AMZ1: variants seen among roughly 807,000 people sequenced by gnomAD.
AMZ1 encodes the protein archaemetzincin-1.
Under a neutral mutation model 29.9 loss-of-function variants are expected in AMZ1, and 39 were observed. The observed-to-expected ratio is 1.30, with a 90% CI of 1.01 to 1.70. The LOEUF is 1.70. Among genes scored for constraint, AMZ1 ranks in the 40% most tolerant of loss-of-function variants. The pLI, the probability that AMZ1 is intolerant of heterozygous loss-of-function variation, is 0.00. For synonymous variants in AMZ1, 458 were observed against 304.0 expected, an observed-to-expected ratio of 1.51 and a Z score of -5.27; for missense variants, 1,041 against 680.6, an observed-to-expected ratio of 1.53 and a Z score of -5.89.
intron 3 of AMZ1, among the ~76,000 whole-genome samples, chr7:2,706,253 G>C (rs1031093563): frequency 1.3e-5 from 2 of 152,164 alleles, no homozygotes; most frequent in Non-Finnish European, 2.9e-5. Flanking sequence ...ATAGCTCCCT[G>C]CAGCCTTGAA....
At chr7:2,732,698 G>A (rs911264958) in intron 4 of AMZ1, among the ~76,000 whole-genome samples, 1 of 152,198 alleles carries the variant, frequency 6.6e-6, no homozygotes, top group Non-Finnish European at 1.5e-5. Flanking sequence ...GGGGTGTGCA[G>A]GGGACAGAGA....
chr7:2,745,104 T>C (rs1790702247), intron 4 of AMZ1, among the ~76,000 whole-genome samples: 1 of 152,208 alleles, frequency 6.6e-6, no homozygotes, highest in South Asian at 2.1e-4. Context: ...TGCAGGATAT[T>C]ATCCAGGAAA....
chr7:2,683,278 C>T (rs1358997399), upstream of AMZ1, among the ~76,000 whole-genome samples: 1 of 152,126 alleles, frequency 6.6e-6, no homozygotes, highest in Non-Finnish European at 1.5e-5. Context: ...GGGGCAGGGC[C>T]GAACTTCTGC....
intron 4 of AMZ1, among the ~76,000 whole-genome samples, chr7:2,742,583 G>A (rs1280280482): frequency 6.6e-6 from 1 of 152,154 alleles, no homozygotes; most frequent in African/African-American, 2.4e-5. Context: ...AGTGAAGAAA[G>A]CACTGAGTCT....
At chr7:2,685,472 C>T (rs541109051), upstream of AMZ1, among the ~76,000 whole-genome samples, 11 of 150,640 alleles carry the variant, frequency 7.3e-5, 1 homozygote, top group Non-Finnish European at 1.0e-4. Context: ...GCAGGAGAAT[C>T]GCTTGAACCC....
chr7:2,720,410 T>C (rs544245569), downstream of AMZ1, among the ~76,000 whole-genome samples: 97 of 152,258 alleles, frequency 6.4e-4, 1 homozygote, highest in Admixed American at 6.3e-3. Flanking sequence ...ATTATTTTTT[T>C]GAATTTTTAT....
upstream of AMZ1, among the ~76,000 whole-genome samples, chr7:2,687,677 C>T (rs1301545118): frequency 6.7e-6 from 1 of 149,726 alleles, no homozygotes; most frequent in Non-Finnish European, 1.5e-5. Flanking sequence ...TAGGGCTAAC[C>T]TAGGGGCCTG....
intron 1 of AMZ1, among the ~76,000 whole-genome samples, chr7:2,696,282 A>C (rs887306753): frequency 2.5e-5 from 3 of 119,504 alleles, no homozygotes; most frequent in Admixed American, 9.6e-5. Context: ...TTTGAGATGG[A>C]GTCTCGCTCT....
downstream of AMZ1, among the ~76,000 whole-genome samples, chr7:2,724,184 G>C (rs1212503832): frequency 2.0e-5 from 3 of 152,152 alleles, no homozygotes; most frequent in Admixed American, 1.3e-4. Context: ...CTCCCAAGGT[G>C]CTGGGATTAC....
chr7:2,694,609 T>C (rs11971272), intron 1 of AMZ1, among the ~76,000 whole-genome samples: 42 of 151,854 alleles, frequency 2.8e-4, no homozygotes, highest in African/African-American at 9.7e-4. Flanking sequence ...TAAATATACA[T>C]GTGAGATTAT....
intron 4 of AMZ1, among the ~76,000 whole-genome samples, chr7:2,751,062 C>T (rs1791010440): frequency 6.6e-6 from 1 of 152,142 alleles, no homozygotes; most frequent in Non-Finnish European, 1.5e-5. Context: ...GTTGCCACTA[C>T]AGCATTTCGG....
chr7:2,695,837 C>A (rs1445559074), intron 1 of AMZ1, among the ~76,000 whole-genome samples: 1 of 151,998 alleles, frequency 6.6e-6, no homozygotes, highest in East Asian at 1.9e-4. Flanking sequence ...ATGGTGAAAC[C>A]CCGTCTCTAC....
intron 4 of AMZ1, among the ~76,000 whole-genome samples, chr7:2,758,164 A>G (rs1791390333): frequency 6.6e-6 from 1 of 152,170 alleles, no homozygotes; most frequent in African/African-American, 2.4e-5. Context: ...AAAAACCCAA[A>G]AACTCAACAT....
In AMZ1 at chr7:2,731,259, G is replaced by T. The variant is rs748435612; in HGVS notation, n.550+21443G>T. On this transcript the variant is annotated intron_variant and non_coding_transcript_variant, in intron 4 of 4. Transcript: ENST00000489665. This position sits in a 1 kb window ranked among gnomAD's most constrained non-coding sequence, Gnocchi z 6.0. ...CATGGAACACGAAGCGGACGTTCTCGGTGTCGATGGCGGTGGTGAAGTGGT... is the reference window on the plus strand; with the variant it reads ...CATGGAACACGAAGCGGACGTTCTCTGTGTCGATGGCGGTGGTGAAGTGGT... The T allele has an allele frequency of 2.5e-6, 4 of 1,613,850 alleles. No individual in the cohort carries two copies. The highest frequency in any genetic ancestry group is 3.4e-6 in the Non-Finnish European group (4 of 1,179,954).
intron 4 of AMZ1, among the ~76,000 whole-genome samples, chr7:2,734,560 G>A (rs76705798): frequency 0.019 from 2,867 of 152,324 alleles, 91 homozygotes; most frequent in African/African-American, 0.064. Flanking sequence ...GAAGCTCGTG[G>A]CGTTGTAAGG....
At chr7:2,703,463 A>T (rs1319419039) in intron 3 of AMZ1, among the ~76,000 whole-genome samples, 1 of 152,030 alleles carries the variant, frequency 6.6e-6, no homozygotes, top group East Asian at 1.9e-4. Context: ...TTCTAAGGCC[A>T]CTCAGCATGG....
upstream of AMZ1, chr7:2,762,892 T>A: frequency 7.0e-7 from 1 of 1,428,114 alleles, no homozygotes; most frequent in African/African-American, 1.4e-5. Context: ...GAGCCATTGG[T>A]GCTGCGGCGG....
At position 2,708,669 on chromosome 7, in the gene AMZ1, C is replaced by T; in HGVS notation, c.554C>T (p.Pro185Leu). 3.7e-6 allele frequency: 6 copies of T among 1,613,220 alleles called. No homozygotes were observed. Among genetic ancestry groups the T allele is most frequent in the South Asian group, 3.3e-5 (3 of 91,080 alleles). ...GGCCTCACACTGTCTGACCTGTACC[C>T]CCATGAGGCCTGGAGCTTCACCTTC... ...VLGLTLSDLY[P>L]HEAWSFTFSK... The change falls in exon 4 of 7, where the codon CCC becomes CTC. Residue 185 changes from proline to leucine, a missense_variant. Physicochemically the swap from Pro to Leu is moderately conservative, Grantham distance 98. Coordinates refer to ENST00000683327, the MANE Select transcript of AMZ1 (RefSeq NM_001384743.1).
chr7:2,741,144 C>T (rs982991852), intron 4 of AMZ1, among the ~76,000 whole-genome samples: 1 of 152,102 alleles, frequency 6.6e-6, no homozygotes, highest in African/African-American at 2.4e-5. Context: ...GAAAAATGAG[C>T]TAGAAAGAAA....
Sources: gnomAD v4.1 joint callset for allele counts (sites outside exome capture counted in the v4.1 genomes callset) on GRCh38, gnomAD v4.1.1 for gene constraint, Gnocchi (gnomAD v3.1) non-coding constraint, MANE v1.5 for transcripts, NCBI Gene and HGNC (gene_info 2026-07-23, HGNC 2026-07-21) for gene names.